AP3B1: variants seen among roughly 807,000 people sequenced by gnomAD.
AP3B1 encodes AP-3 complex subunit beta-1.
A neutral mutation model predicts 132.5 loss-of-function variants in AP3B1; 61 were observed. The observed-to-expected ratio is 0.46, with a 90% CI of 0.37 to 0.57. AP3B1 has a LOEUF of 0.57. Among genes scored for constraint, AP3B1 ranks in the 20% least tolerant of loss-of-function variants. The probability of loss-of-function intolerance (pLI) is 0.00; values close to 1 mark genes in which losing one functional copy is unlikely to be tolerated. For synonymous variants in AP3B1, 388 were observed against 438.3 expected (o/e 0.89, Z 1.43); for missense variants, 1,120 against 1,289.4 (o/e 0.87, Z 2.01).
intron 14 of AP3B1, among the ~76,000 whole-genome samples, chr5:78,144,891 T>C (rs1474680769): frequency 6.6e-6 from 1 of 152,096 alleles, no homozygotes; most frequent in African/African-American, 2.4e-5. Context: ...TGGAGTGCGG[T>C]GGTGCAATCA....
chr5:78,015,409 C>T lies in AP3B1; in HGVS notation c.3131+1G>A, dbSNP rs766116144. On this transcript the variant is annotated splice_donor_variant, in intron 26 of 26. Coordinates refer to ENST00000255194, the MANE Select transcript of AP3B1 (RefSeq NM_003664.5). LOFTEE classifies it high-confidence loss of function. ...TCCACATCGTGTGTTAGTGAACCTA[C>T]CTGTGTATATTATCCTGGCCAGAAG... 10 of 1,613,538 alleles carry T rather than the reference C, an allele frequency of 6.2e-6. No homozygotes were observed. The Admixed American group carries it at 1.2e-4, about 19-fold the overall frequency.
At chr5:78,222,109 GAT>G (rs1746201606) in intron 6 of AP3B1, 1 of 152,008 alleles carries the variant, frequency 6.6e-6, no homozygotes, top group Admixed American at 6.6e-5. Flanking sequence ...TCTATTTGCA[GAT>G]ATGATTCATT....
At chr5:78,107,785 G>C (rs775026304) in intron 20 of AP3B1, among the ~76,000 whole-genome samples, 17 of 152,126 alleles carry the variant, frequency 1.1e-4, no homozygotes, top group Non-Finnish European at 2.4e-4. Context: ...AAAAAAAAGA[G>C]CAGGATACTT....
intron 3 of AP3B1, among the ~76,000 whole-genome samples, chr5:78,232,926 T>C (rs1746708768): frequency 6.6e-6 from 1 of 152,074 alleles, no homozygotes; most frequent in South Asian, 2.1e-4. Context: ...AGACTAGTCA[T>C]GAACTCCTGA....
intron 22 of AP3B1, among the ~76,000 whole-genome samples, chr5:78,041,311 C>T (rs1748076990): frequency 6.6e-6 from 1 of 151,506 alleles, no homozygotes; most frequent in Non-Finnish European, 1.5e-5. Context: ...AATCTCAGCA[C>T]TTCGAGAGGC....
chr5:78,123,352 G>A (rs911422746), intron 17 of AP3B1, among the ~76,000 whole-genome samples: 5 of 152,006 alleles, frequency 3.3e-5, no homozygotes, highest in Admixed American at 6.6e-5. Flanking sequence ...CAAATGGGAC[G>A]TAATTAAACT....
chr5:78,185,257 C>A (rs1744555126), intron 7 of AP3B1, among the ~76,000 whole-genome samples: 1 of 152,118 alleles, frequency 6.6e-6, no homozygotes, highest in Non-Finnish European at 1.5e-5. Context: ...AAGATGGAAT[C>A]TTCAAACATC....
intron 17 of AP3B1, among the ~76,000 whole-genome samples, chr5:78,123,147 T>C (rs1207765078): frequency 2.6e-5 from 4 of 152,212 alleles, no homozygotes; most frequent in Admixed American, 2.6e-4. Flanking sequence ...TAGCCAGATG[T>C]AGAAAGCTGA....
At chr5:78,119,512 A>C (rs1215572953) in intron 17 of AP3B1, among the ~76,000 whole-genome samples, 2 of 152,252 alleles carry the variant, frequency 1.3e-5, no homozygotes, top group Non-Finnish European at 2.9e-5. Context: ...GATGGAGCTG[A>C]AAGCCAAGGC....
chr5:78,106,947 A>G (rs116665450), intron 20 of AP3B1, among the ~76,000 whole-genome samples: 6,564 of 152,246 alleles, frequency 0.043, 467 homozygotes, highest in African/African-American at 0.15. Context: ...AACTTAATGT[A>G]AAGACTGAAA....
intron 26 of AP3B1, among the ~76,000 whole-genome samples, chr5:78,012,244 T>A (rs766869704): frequency 6.6e-6 from 1 of 152,022 alleles, no homozygotes; most frequent in African/African-American, 2.4e-5. Context: ...GTTAAAAACA[T>A]TTATTTCAAT....
At chr5:78,139,940 G>A (rs929210869) in intron 15 of AP3B1, among the ~76,000 whole-genome samples, 4 of 151,862 alleles carry the variant, frequency 2.6e-5, no homozygotes, top group East Asian at 1.9e-4. Context: ...ACAAAGAGAG[G>A]GGAGGTGGAG....
At chr5:78,162,715 T>C (rs1472157142) in intron 13 of AP3B1, 104 bp downstream of exon 13, 1 of 1,284,380 alleles carries the variant, frequency 7.8e-7, no homozygotes, top group Non-Finnish European at 1.1e-6. Flanking sequence ...CTGATATAAC[T>C]GGAAAAGCTA....
At chr5:78,055,160 T>C (rs1412215603) in intron 22 of AP3B1, among the ~76,000 whole-genome samples, 1 of 152,164 alleles carries the variant, frequency 6.6e-6, no homozygotes, top group East Asian at 1.9e-4. Context: ...ACATAAGGCC[T>C]GGTTTTCTTC....
chr5:78,165,679 T>G lies in AP3B1; in HGVS notation c.1168-7A>C, dbSNP rs780180977. 6.3e-7 allele frequency: 1 copy of G among 1,579,576 alleles called. No homozygotes were observed. Among genetic ancestry groups the G allele is most frequent in the Admixed American group, 1.7e-5 (1 of 59,454 alleles). On this transcript the variant is annotated splice_polypyrimidine_tract_variant and splice_region_variant and intron_variant, in intron 11 of 26. Coordinates refer to ENST00000255194, the MANE Select transcript of AP3B1 (RefSeq NM_003664.5). ...AGTTTGTCAAAATTTCAAGCTATAG[T>G]AGAGAAAAGAGAAAGTAAACATTTT...
At position 78,285,122 on chromosome 5, in the gene AP3B1, G is replaced by A. The variant is rs181569198; in HGVS notation, c.128+9330C>T. On this transcript the variant is annotated intron_variant, in intron 1 of 26. Transcript: ENST00000255194. ...AAATTAGCTGGGCGTGGTGGAGGGC[G>A]CCTGTAGTCCCAGCTACTCGGGAGG... is the stretch of plus-strand genomic sequence containing the variant. 5.6e-4 allele frequency among the ~76,000 whole-genome samples: 82 copies of A among 147,674 alleles called. No homozygotes were observed. In the East Asian group the frequency reaches 0.012, roughly 21 times the overall value.
In AP3B1 at chr5:78,072,712, CTTTTTTTTTTTTTTTT is replaced by C. The variant is rs34203981; in HGVS notation, c.2577+16665_2577+16680del. ...TGAGTAACAATGTGTCTGATATATT[CTTTTTTTTTTTTTTTT>C]TTTTTTTTTTTGAGATGGAGTCCCA... On this transcript the variant is annotated intron_variant, in intron 22 of 26. Transcript: ENST00000255194. 8.8e-5 allele frequency among the ~76,000 whole-genome samples: 6 copies of C among 68,288 alleles called. No homozygotes were observed. In the East Asian group the frequency reaches 2.9e-3, roughly 33 times the overall value. 44.8% of individuals were successfully genotyped at this position (68,288 alleles called of 152,430 possible). A position where few individuals can be genotyped will look rare whatever the true frequency, so the allele number is the denominator to read the frequency against.
rs954048429 is a variant in AP3B1 at position 78,088,518 on chromosome 5, C to T, written c.2577+875G>A. ...GAGGAATTTTTTCCATAATAACACACAAGAATTAAACACTTCTTTTCTCCC... is the reference window on the plus strand; with the variant it reads ...GAGGAATTTTTTCCATAATAACACATAAGAATTAAACACTTCTTTTCTCCC... On this transcript the variant is annotated intron_variant, in intron 22 of 26. Coordinates refer to ENST00000255194, the MANE Select transcript of AP3B1 (RefSeq NM_003664.5). 4.6e-5 allele frequency among the ~76,000 whole-genome samples: 7 copies of T among 152,224 alleles called. No individual in the cohort carries two copies. In the South Asian group the frequency reaches 6.2e-4, roughly 14 times the overall value.
chr5:78,193,770 A>ATATATATATATATATATATATATTTTT, intron 7 of AP3B1, among the ~76,000 whole-genome samples: 1 of 67,218 alleles, frequency 1.5e-5, no homozygotes, highest in African/African-American at 5.2e-5. Context: ...ATATATATAT[A>ATATATATATATATATATATATATTTTT]TTTTTTTTTT....
Sources: allele counts gnomAD v4.1 joint callset (sites outside exome capture counted in the v4.1 genomes callset), GRCh38; gene constraint gnomAD v4.1.1; transcripts MANE v1.5; gene names NCBI Gene and HGNC (gene_info 2026-07-23, HGNC 2026-07-21).